KAZN: variants seen among roughly 807,000 people sequenced by gnomAD.
KAZN encodes kazrin.
KAZN carries 40 observed loss-of-function variants against 87.4 expected under a neutral mutation model. The observed-to-expected ratio is 0.46, with a 90% confidence interval of 0.36 to 0.60. The LOEUF (loss-of-function observed/expected upper bound fraction) is 0.60. Among genes scored for constraint, KAZN ranks in the 20% least tolerant of loss-of-function variants. KAZN has a pLI of 0.00. For synonymous variants in KAZN, 466 were observed against 458.3 expected (o/e 1.02, Z -0.22); for missense variants, 898 against 1,073.9 (o/e 0.84, Z 2.29).
chr1:14,904,555 G>A (rs1019823054), intron 1 of KAZN, among the ~76,000 whole-genome samples: 1 of 152,154 alleles, frequency 6.6e-6, no homozygotes, highest in Non-Finnish European at 1.5e-5. Flanking sequence ...ATGTCTGCAC[G>A]CACTCCAGGC....
rs541667016 is a variant in KAZN, at chr1:14,295,469, C to CA, written c.249+114883dup. On this transcript the variant is annotated intron_variant, in intron 2 of 16. Transcript: ENST00000636203. The stretch of plus-strand genomic sequence containing the variant: ...CACACACACCCAAAGAGACTCGGGA[C>CA]AAAAAACCACACATGCAGAAAGTGG... 1.6e-3 allele frequency among the ~76,000 whole-genome samples: 250 copies of CA among 152,142 alleles called. 1 individual carries two copies. Among genetic ancestry groups the CA allele is most frequent in the African/African-American group, 5.6e-3 (233 of 41,516 alleles).
intron 3 of KAZN, 120 bp from the exon 4 acceptor site, chr1:15,043,869 T>G (rs934964244): frequency 6.0e-6 from 6 of 1,008,346 alleles, no homozygotes; most frequent in Non-Finnish European, 8.4e-6. Flanking sequence ...GGTCTCAATC[T>G]CCTGACCTCG....
chr1:14,925,610 G>T (rs61017771), intron 1 of KAZN, among the ~76,000 whole-genome samples: 19,730 of 152,160 alleles, frequency 0.13, 1,399 homozygotes, highest in Middle Eastern at 0.17. Context: ...AGTTTTGTCC[G>T]TGGAAATCCA....
intron 1 of KAZN, among the ~76,000 whole-genome samples, chr1:14,857,361 G>A (rs1158468735): frequency 6.6e-6 from 1 of 152,058 alleles, no homozygotes; most frequent in African/African-American, 2.4e-5. Flanking sequence ...TAGCAACATA[G>A]TGAAACCCCA....
chr1:14,628,240 C>G (rs1679293039), intron 1 of KAZN, among the ~76,000 whole-genome samples: 1 of 152,144 alleles, frequency 6.6e-6, no homozygotes, highest in Admixed American at 6.5e-5. Context: ...GAAAGGACGA[C>G]CTTTTGTCGG....
chr1:14,013,484 T>A (rs190466155), intron 1 of KAZN, among the ~76,000 whole-genome samples: 7 of 152,120 alleles, frequency 4.6e-5, no homozygotes, highest in African/African-American at 1.7e-4. Context: ...TTTTGCTTTT[T>A]CCCTTGGTAG....
chr1:13,893,777 C>A, intron 1 of KAZN: 1 of 1,549,744 alleles, frequency 6.5e-7, no homozygotes, highest in South Asian at 1.2e-5. Context: ...CGTCGTGTGT[C>A]ATGTGCCCAG....
At chr1:13,913,678 T>C (rs1639734669) in intron 1 of KAZN, among the ~76,000 whole-genome samples, 1 of 152,218 alleles carries the variant, frequency 6.6e-6, no homozygotes, top group African/African-American at 2.4e-5. Context: ...CTTAAACTTT[T>C]CCAATTCATT....
chr1:14,953,768 GGCTGCTGTA>G (rs1257517320), intron 1 of KAZN, among the ~76,000 whole-genome samples: 1 of 152,122 alleles, frequency 6.6e-6, no homozygotes, highest in Non-Finnish European at 1.5e-5. Context: ...GTTAAAAGGT[GGCTGCTGTA>G]GCTCTAGCCA....
rs1640983841 is a variant in KAZN, at chr1:15,099,995, T to C, written c.1548-1548T>C. 6.6e-6 allele frequency among the ~76,000 whole-genome samples: 1 copy of C among 152,072 alleles called. No individual in the cohort carries two copies. Among genetic ancestry groups the C allele is most frequent in the Non-Finnish European group, 1.5e-5 (1 of 68,014 alleles). On this transcript the variant is annotated intron_variant, in intron 10 of 14. Coordinates refer to ENST00000376030, the MANE Select transcript of KAZN (RefSeq NM_201628.3). The surrounding 1 kb of genome is among the most constrained non-coding windows in gnomAD (Gnocchi z 5.4). ...GACAGTGACAGTGAAGGGGAACAAC[T>C]GAGCCATTAAGTATGACACGTCTGT...
chr1:14,040,035 A>ATGTGTGTGTGCACGTG (rs1474439050), intron 1 of KAZN, among the ~76,000 whole-genome samples: 2 of 151,642 alleles, frequency 1.3e-5, no homozygotes, highest in East Asian at 1.9e-4. Flanking sequence ...GTGGAAAAGG[A>ATGTGTGTGTGCACGTG]TGTGTGTGTG....
chr1:14,489,112 G>C lies in KAZN; in HGVS notation c.250-109871G>C, dbSNP rs911729460. Among the ~76,000 whole-genome samples, 4 of 151,984 alleles carry C rather than the reference G, an allele frequency of 2.6e-5. No homozygotes were observed. In the South Asian group the frequency reaches 8.3e-4, roughly 32 times the overall value. On this transcript the variant is annotated intron_variant, in intron 2 of 16. Transcript: ENST00000636203. ...AAATTCTTTGGCAATTGTTGTTTTC[G>C]TCTTTTTAAAAATAATCTTGGGGTT...
intron 1 of KAZN, among the ~76,000 whole-genome samples, chr1:14,143,585 G>C (rs1053531227): frequency 6.6e-6 from 1 of 152,154 alleles, no homozygotes; most frequent in African/African-American, 2.4e-5. Flanking sequence ...ATTATGTTGA[G>C]TTTCTGTTGA....
chr1:14,562,750 T>C (rs1674331060), intron 2 of KAZN, among the ~76,000 whole-genome samples: 1 of 152,224 alleles, frequency 6.6e-6, no homozygotes, highest in African/African-American at 2.4e-5. Flanking sequence ...AGGAGTGCCC[T>C]GTGTTTATTT....
Position 14,095,799 on chromosome 1 carries a change from C to T in KAZN, c.92-84636C>T, listed in dbSNP as rs184872219. 1.4e-3 allele frequency among the ~76,000 whole-genome samples: 212 copies of T among 152,236 alleles called. 1 individual carries two copies. In the Middle Eastern group the frequency reaches 0.02, roughly 15 times the overall value. On this transcript the variant is annotated intron_variant, in intron 1 of 16. Transcript: ENST00000636203. ...AGCAAACAAACAGAAGCTTCATGGT[C>T]TCTTATGACCTAGCCTTGAAAATCA...
intron 1 of KAZN, among the ~76,000 whole-genome samples, chr1:14,753,032 G>A (rs149206435): frequency 1.3e-5 from 2 of 152,214 alleles, no homozygotes; most frequent in Non-Finnish European, 2.9e-5. Context: ...GAGTGCATTG[G>A]TGACATCAGT....
At chr1:14,906,049 C>T (rs1427612331) in intron 1 of KAZN, among the ~76,000 whole-genome samples, 2 of 151,622 alleles carry the variant, frequency 1.3e-5, no homozygotes, top group African/African-American at 4.8e-5. Context: ...TGCCTGTAAT[C>T]CCAGCTACTC....
intron 2 of KAZN, among the ~76,000 whole-genome samples, chr1:14,253,195 G>T (rs893304067): frequency 1.3e-5 from 2 of 151,422 alleles, no homozygotes; most frequent in South Asian, 2.1e-4. Flanking sequence ...CCAGGAAGAA[G>T]AGGAGGACCA....
At chr1:14,963,601 G>T (rs1416597038) in intron 2 of KAZN, among the ~76,000 whole-genome samples, 1 of 152,124 alleles carries the variant, frequency 6.6e-6, no homozygotes, top group East Asian at 1.9e-4. Context: ...TGTGAGCTTG[G>T]ATGCATTTTT....
Sources: allele counts gnomAD v4.1 joint callset (sites outside exome capture counted in the v4.1 genomes callset), GRCh38; gene constraint gnomAD v4.1.1; non-coding constraint Gnocchi (gnomAD v3.1); transcripts MANE v1.5; gene names NCBI Gene and HGNC (gene_info 2026-07-23, HGNC 2026-07-21).